Variants in AIG1 observed in about 807,000 individuals in gnomAD.
AIG1 encodes the protein androgen induced 1, also known as androgen-induced gene 1 protein.
AIG1 carries 23 observed loss-of-function variants against 31.4 expected under a neutral mutation model. That is an observed-to-expected ratio of 0.73 (90% CI 0.53 to 1.04). The LOEUF (loss-of-function observed/expected upper bound fraction) is 1.04, where lower values mean the gene tolerates loss of function less well. AIG1 is among the 50% of genes least tolerant of loss of function. AIG1 has a pLI of 0.00. For missense variants in AIG1, 274 were observed against 295.0 expected (o/e 0.93, Z 0.52); for synonymous variants, 100 against 110.5 (o/e 0.90, Z 0.60).
intron 1 of AIG1, among the ~76,000 whole-genome samples, chr6:143,114,070 G>C (rs910532883): frequency 2.6e-5 from 4 of 152,116 alleles, no homozygotes; most frequent in African/African-American, 9.7e-5. Context: ...CACCGCGCCT[G>C]GCCGGAAATG....
intron 3 of AIG1, among the ~76,000 whole-genome samples, chr6:143,274,928 A>G (rs1328801929): frequency 1.3e-5 from 2 of 152,254 alleles, no homozygotes; most frequent in Admixed American, 1.3e-4. Context: ...AACTCAGCAT[A>G]TATTAGGAGC....
At chr6:143,244,673 G>T (rs1794484133) in intron 3 of AIG1, among the ~76,000 whole-genome samples, 1 of 152,360 alleles carries the variant, frequency 6.6e-6, no homozygotes, top group Non-Finnish European at 1.5e-5. Flanking sequence ...GAGCATCAAG[G>T]TATAGTCTGG....
rs560012048 is a variant in AIG1, at chr6:143,308,952, A to T, written c.516-24330A>T. On this transcript the variant is annotated intron_variant, in intron 4 of 5. Transcript: ENST00000357847. ...TGCCATATATAAAATATATTTAAAA[A>T]ATATATTTAAAAGAAAAACTACAAA... Among the ~76,000 whole-genome samples, 147 of 152,074 alleles carry T rather than the reference A, an allele frequency of 9.7e-4. 1 individual carries two copies. The highest frequency in any genetic ancestry group is 3.4e-3 in the African/African-American group (140 of 41,554).
chr6:143,107,887 GA>G (rs961655231), intron 1 of AIG1, among the ~76,000 whole-genome samples: 2 of 151,938 alleles, frequency 1.3e-5, no homozygotes, highest in Non-Finnish European at 2.9e-5. Context: ...CTAACAGAGG[GA>G]AAAAAAGAAT....
intron 4 of AIG1, among the ~76,000 whole-genome samples, chr6:143,300,628 A>G (rs1798758418): frequency 6.6e-6 from 1 of 152,222 alleles, no homozygotes; most frequent in Admixed American, 6.5e-5. Flanking sequence ...CTTTTAAATT[A>G]TTTTTGTTAA....
intron 2 of AIG1, among the ~76,000 whole-genome samples, chr6:143,141,315 G>C (rs757706416): frequency 1.3e-5 from 2 of 152,172 alleles, no homozygotes; most frequent in African/African-American, 2.4e-5. Context: ...CTACATTAAT[G>C]CTTCCTCCAG....
chr6:143,064,612 G>C (rs1278661114), intron 1 of AIG1, among the ~76,000 whole-genome samples: 3 of 151,998 alleles, frequency 2.0e-5, no homozygotes, highest in Non-Finnish European at 2.9e-5. Context: ...CTCTGACTTA[G>C]AAAAAAAACT....
At chr6:143,178,652 G>A (rs1304047575) in intron 3 of AIG1, among the ~76,000 whole-genome samples, 1 of 152,208 alleles carries the variant, frequency 6.6e-6, no homozygotes, top group East Asian at 1.9e-4. Flanking sequence ...GAGGGGCTTT[G>A]TCACTTCTTT....
chr6:143,115,626 G>C (rs1417095448), intron 1 of AIG1, among the ~76,000 whole-genome samples: 3 of 152,152 alleles, frequency 2.0e-5, no homozygotes, highest in Non-Finnish European at 4.4e-5. Flanking sequence ...CTCACAATTT[G>C]CAAAACGGTG....
chr6:143,236,821 A>C (rs1472990173), intron 3 of AIG1, among the ~76,000 whole-genome samples: 1 of 152,242 alleles, frequency 6.6e-6, no homozygotes, highest in East Asian at 1.9e-4. Flanking sequence ...CATGTATAAA[A>C]GAATTTCCAT....
At chr6:143,246,557 C>A (rs979696219) in intron 3 of AIG1, among the ~76,000 whole-genome samples, 11 of 152,194 alleles carry the variant, frequency 7.2e-5, no homozygotes, top group African/African-American at 2.2e-4. Flanking sequence ...GGTGGAGACA[C>A]AGCCAAACCA....
intron 1 of AIG1, among the ~76,000 whole-genome samples, chr6:143,083,367 G>A (rs1778461458): frequency 6.6e-6 from 1 of 152,294 alleles, no homozygotes; most frequent in Non-Finnish European, 1.5e-5. Context: ...AACCCTTGGG[G>A]TAAAACAGTC....
intron 3 of AIG1, among the ~76,000 whole-genome samples, chr6:143,193,467 G>A (rs1032025924): frequency 8.5e-5 from 13 of 152,238 alleles, no homozygotes; most frequent in African/African-American, 2.9e-4. Flanking sequence ...AGACTTCTGT[G>A]GTGTAAATTC....
intron 5 of AIG1, 108 bp from the exon 6 acceptor site, chr6:143,339,531 A>G (rs1012498542): frequency 6.3e-6 from 7 of 1,118,610 alleles, no homozygotes; most frequent in Non-Finnish European, 9.1e-6. Context: ...GAATGGGAGA[A>G]GTGAGGGCAG....
In AIG1 at chr6:143,210,680, T is replaced by C. The variant is rs544298309; in HGVS notation, c.399+45497T>C. 3.3e-5 allele frequency among the ~76,000 whole-genome samples: 5 copies of C among 152,276 alleles called. No individual in the cohort carries two copies. In the South Asian group the frequency reaches 1.0e-3, roughly 32 times the overall value. On this transcript the variant is annotated intron_variant, in intron 3 of 5. Transcript: ENST00000357847. ...CAGAATACTCAGTTCCTTTCTTAGGTAGACTTACTAAAGTGCCGTAAATCA... is the reference window on the plus strand; with the variant it reads ...CAGAATACTCAGTTCCTTTCTTAGGCAGACTTACTAAAGTGCCGTAAATCA...
chr6:143,246,464 G>T (rs2128643948), intron 3 of AIG1, among the ~76,000 whole-genome samples: 1 of 152,186 alleles, frequency 6.6e-6, no homozygotes, highest in Admixed American at 6.5e-5. Context: ...CACAAGAACA[G>T]CACAGGAAAG....
intron 3 of AIG1, among the ~76,000 whole-genome samples, chr6:143,226,904 G>A (rs946679419): frequency 3.3e-5 from 5 of 151,368 alleles, no homozygotes; most frequent in Admixed American, 2.6e-4. Flanking sequence ...CCTGTGGCCC[G>A]CAGCCGACAT....
chr6:143,269,217 A>T (rs1796342538), intron 3 of AIG1, among the ~76,000 whole-genome samples: 1 of 152,244 alleles, frequency 6.6e-6, no homozygotes, highest in Non-Finnish European at 1.5e-5. Context: ...CAACAGTAGG[A>T]CAATCTGGAT....
intron 3 of AIG1, among the ~76,000 whole-genome samples, chr6:143,245,623 G>A (rs1247416338): frequency 6.6e-6 from 1 of 152,210 alleles, no homozygotes; most frequent in Admixed American, 6.5e-5. Context: ...GGATGAGGGT[G>A]CTGAAGCAGT....
Sources: gnomAD v4.1 joint callset for allele counts (sites outside exome capture counted in the v4.1 genomes callset) on GRCh38, gnomAD v4.1.1 for gene constraint, MANE v1.5 for transcripts, NCBI Gene and HGNC (gene_info 2026-07-23, HGNC 2026-07-21) for gene names.